Variants in FSTL5 observed in about 807,000 individuals in gnomAD.
FSTL5 encodes follistatin like 5.
Under a neutral mutation model 89.1 loss-of-function variants are expected in FSTL5, and 62 were observed. The observed-to-expected ratio is 0.70, with a 90% CI of 0.57 to 0.86. The LOEUF (loss-of-function observed/expected upper bound fraction) is 0.86. FSTL5 is among the 40% of genes least tolerant of loss of function. FSTL5 has a pLI of 0.00. For synonymous variants in FSTL5, 383 were observed against 346.2 expected (o/e 1.11, Z -1.18); for missense variants, 1,057 against 1,001.6 (o/e 1.06, Z -0.75).
At chr4:161,751,105 T>C (rs567008415) in intron 6 of FSTL5, among the ~76,000 whole-genome samples, 1 of 152,106 alleles carries the variant, frequency 6.6e-6, no homozygotes, top group Non-Finnish European at 1.5e-5. Flanking sequence ...CCAGATACTA[T>C]AGGTGAAAAA....
rs190741271 is a variant in FSTL5, at chr4:161,698,654, C to T, written c.728-42160G>A. Among the ~76,000 whole-genome samples the T allele has an allele frequency of 3.9e-5, 6 of 152,256 alleles. No individual in the cohort carries two copies. The South Asian group carries it at 6.2e-4, about 16-fold the overall frequency. On this transcript the variant is annotated intron_variant, in intron 6 of 15. Coordinates refer to ENST00000306100, the MANE Select transcript of FSTL5 (RefSeq NM_020116.5). ...ATCTAAAGAAGAGGAGAAGGCCAGGCGCAGTGGCTCACGCCTGTAATCCCA... is the reference window on the plus strand; with the variant it reads ...ATCTAAAGAAGAGGAGAAGGCCAGGTGCAGTGGCTCACGCCTGTAATCCCA...
chr4:161,793,764 G>A (rs543003272), intron 4 of FSTL5, among the ~76,000 whole-genome samples: 4 of 151,938 alleles, frequency 2.6e-5, no homozygotes, highest in Admixed American at 6.6e-5. Flanking sequence ...GCGTGCCACT[G>A]TGCCTGGCTA....
chr4:161,632,078 T>C (rs1309025706), intron 7 of FSTL5, among the ~76,000 whole-genome samples: 1 of 152,088 alleles, frequency 6.6e-6, no homozygotes, highest in African/African-American at 2.4e-5. Context: ...AGAAGTAAAT[T>C]TTTAAGAGAA....
chr4:162,077,210 G>T (rs1729887462), intron 2 of FSTL5, among the ~76,000 whole-genome samples: 1 of 151,798 alleles, frequency 6.6e-6, no homozygotes, highest in Admixed American at 6.6e-5. Flanking sequence ...GAGAGGGCAA[G>T]AGAGTGAGGG....
intron 13 of FSTL5, among the ~76,000 whole-genome samples, chr4:161,473,889 T>A (rs1291631290): frequency 6.6e-6 from 1 of 152,184 alleles, no homozygotes; most frequent in Non-Finnish European, 1.5e-5. Context: ...TATAGTTTGA[T>A]CCTGTTTTTA....
At chr4:161,868,776 C>A (rs2126897731) in intron 4 of FSTL5, among the ~76,000 whole-genome samples, 1 of 152,240 alleles carries the variant, frequency 6.6e-6, no homozygotes, top group Non-Finnish European at 1.5e-5. Flanking sequence ...ATTTGATGTG[C>A]CCTCCTTAGA....
intron 4 of FSTL5, among the ~76,000 whole-genome samples, chr4:161,831,799 C>CATATAT (rs201582755): frequency 3.3e-4 from 50 of 151,584 alleles, no homozygotes; most frequent in Admixed American, 8.6e-4. Flanking sequence ...TATATAACAG[C>CATATAT]ATATATATAC....
intron 6 of FSTL5, among the ~76,000 whole-genome samples, chr4:161,674,667 A>C (rs1737237564): frequency 6.6e-6 from 1 of 152,152 alleles, no homozygotes; most frequent in African/African-American, 2.4e-5. Flanking sequence ...GGCTTGTTTG[A>C]TTGGGACATT....
At chr4:162,053,556 C>T (rs1325195682) in intron 2 of FSTL5, among the ~76,000 whole-genome samples, 2 of 151,444 alleles carry the variant, frequency 1.3e-5, no homozygotes, top group Admixed American at 1.3e-4. Context: ...GACTATGCTC[C>T]CCCAAATTTC....
chr4:161,519,757 G>A (rs1023389901), intron 10 of FSTL5, among the ~76,000 whole-genome samples: 2 of 152,052 alleles, frequency 1.3e-5, no homozygotes, highest in Non-Finnish European at 2.9e-5. Flanking sequence ...ATAATTGTGA[G>A]TAATTAGCTA....
At chr4:161,747,122 T>A (rs1444933118) in intron 6 of FSTL5, among the ~76,000 whole-genome samples, 1 of 152,342 alleles carries the variant, frequency 6.6e-6, no homozygotes, top group East Asian at 1.9e-4. Context: ...TTTTTGTATT[T>A]GTAGTAACTA....
At chr4:161,631,161 C>A (rs1036983982) in intron 7 of FSTL5, among the ~76,000 whole-genome samples, 1 of 152,098 alleles carries the variant, frequency 6.6e-6, no homozygotes, top group African/African-American at 2.4e-5. Context: ...TGATTCTATG[C>A]CCTGAGAATA....
intron 12 of FSTL5, among the ~76,000 whole-genome samples, chr4:161,496,357 C>G (rs541629675): frequency 3.9e-5 from 6 of 152,074 alleles, no homozygotes; most frequent in African/African-American, 1.4e-4. Context: ...GTCAAACACT[C>G]GTCTAGATTT....
intron 6 of FSTL5, among the ~76,000 whole-genome samples, chr4:161,690,356 T>C (rs1737886981): frequency 6.6e-6 from 1 of 152,158 alleles, no homozygotes; most frequent in Non-Finnish European, 1.5e-5. Flanking sequence ...AAATTGACCA[T>C]CTTGTGAAGT....
chr4:162,138,417 T>C (rs1732598751), intron 1 of FSTL5, among the ~76,000 whole-genome samples: 1 of 152,106 alleles, frequency 6.6e-6, no homozygotes, highest in Non-Finnish European at 1.5e-5. Context: ...ACTATGCATT[T>C]AATAAAATTA....
rs1731218363 is a variant in FSTL5, at chr4:162,106,179, C to G, written c.126+5092G>C. On this transcript the variant is annotated intron_variant, in intron 2 of 15. Coordinates refer to ENST00000306100, the MANE Select transcript of FSTL5 (RefSeq NM_020116.5). The stretch of plus-strand genomic sequence containing the variant: ...CCCATTTGCTCAGTAACTACCTTTA[C>G]AGATAAACATTTTGATTTAGTAAGT... Among the ~76,000 whole-genome samples, 4 of 152,320 alleles carry G rather than the reference C, an allele frequency of 2.6e-5. No homozygotes were observed. The South Asian group carries it at 6.2e-4, about 24-fold the overall frequency.
intron 3 of FSTL5, among the ~76,000 whole-genome samples, chr4:161,925,613 G>C (rs778821736): frequency 1.8e-4 from 27 of 151,832 alleles, no homozygotes; most frequent in Admixed American, 5.3e-4. Flanking sequence ...ATGATATCAT[G>C]TGGTTGTTAA....
At chr4:161,657,022 A>T (rs1324434411) in intron 6 of FSTL5, among the ~76,000 whole-genome samples, 1 of 152,216 alleles carries the variant, frequency 6.6e-6, no homozygotes, top group South Asian at 2.1e-4. Context: ...GTAAAATTCC[A>T]TCAGCTGTCT....
intron 6 of FSTL5, among the ~76,000 whole-genome samples, chr4:161,686,480 T>C (rs1737750818): frequency 6.8e-6 from 1 of 146,112 alleles, no homozygotes; most frequent in Non-Finnish European, 1.5e-5. Flanking sequence ...TGCCTCAGCC[T>C]CCTGAGTAGC....
Sources: gnomAD v4.1 joint callset for allele counts (sites outside exome capture counted in the v4.1 genomes callset) on GRCh38, gnomAD v4.1.1 for gene constraint, MANE v1.5 for transcripts, NCBI Gene and HGNC (gene_info 2026-07-23, HGNC 2026-07-21) for gene names.